The following NCOA6 variants were observed in gnomAD, a reference collection of about 807,000 sequenced individuals.
NCOA6 encodes the protein nuclear receptor coactivator 6.
NCOA6 carries 49 observed loss-of-function variants against 171.4 expected under a neutral mutation model. That is an observed-to-expected ratio of 0.29 (90% confidence interval 0.23 to 0.36). The LOEUF is 0.36. NCOA6 is among the 10% of genes least tolerant of loss of function. The pLI is 1.00. For synonymous variants in NCOA6, 910 were observed against 927.5 expected (o/e 0.98, Z 0.34); for missense variants, 2,248 against 2,554.5 (o/e 0.88, Z 2.59).
chr20:34,816,068 C>A (rs143283991), intron 1 of NCOA6, among the ~76,000 whole-genome samples: 1 of 152,318 alleles, frequency 6.6e-6, no homozygotes, highest in Non-Finnish European at 1.5e-5. Flanking sequence ...AACTCCTCAA[C>A]AAACCAGCAA....
At chr20:34,794,631 G>A (rs2078005687) in intron 1 of NCOA6, among the ~76,000 whole-genome samples, 1 of 151,950 alleles carries the variant, frequency 6.6e-6, no homozygotes, top group Non-Finnish European at 1.5e-5. Flanking sequence ...ACTTTTTTTG[G>A]GGAAAGGGGA....
In NCOA6 at chr20:34,749,658, A is replaced by G. The variant is rs1389641119; in HGVS notation, c.2537T>C (p.Phe846Ser). Residue 846 changes from phenylalanine (F) to serine (S), a missense_variant, in exon 9 of 15, where the codon TTC becomes TCC. By Grantham distance (155) the Phe-to-Ser change is radical. Coordinates refer to ENST00000359003, the MANE Select transcript of NCOA6 (RefSeq NM_014071.5). Reference sequence around the variant, plus strand: ...ATTGAAAGACATCCCATGGCCTGAGAAGTGGTTTCCCGAGGCACTGTTTCC... The same window carrying G: ...ATTGAAAGACATCCCATGGCCTGAGGAGTGGTTTCCCGAGGCACTGTTTCC... Reference protein sequence around the residue: ...MQGNSASGNHFSGHGMSFNAP... With the variant: ...MQGNSASGNHSSGHGMSFNAP... 6.2e-7 allele frequency: 1 copy of G among 1,614,168 alleles called. No homozygotes were observed. Among genetic ancestry groups the G allele is most frequent in the African/African-American group, 1.3e-5 (1 of 75,030 alleles).
intron 14 of NCOA6, among the ~76,000 whole-genome samples, chr20:34,719,312 C>G (rs887104113): frequency 6.6e-6 from 1 of 151,894 alleles, no homozygotes; most frequent in Non-Finnish European, 1.5e-5. Flanking sequence ...TATTTCTATC[C>G]GAGACGTCTA....
chr20:34,774,718 T>A (rs2077254401), intron 4 of NCOA6, among the ~76,000 whole-genome samples: 1 of 152,352 alleles, frequency 6.6e-6, no homozygotes, highest in South Asian at 2.1e-4. Flanking sequence ...TCTAGTTCAC[T>A]GAGCTTCCAA....
chr20:34,778,680 C>A (rs1403236525), intron 3 of NCOA6, among the ~76,000 whole-genome samples: 1 of 152,004 alleles, frequency 6.6e-6, no homozygotes, highest in Non-Finnish European at 1.5e-5. Context: ...CCTGCCTCGG[C>A]CTCCCAAAGT....
In NCOA6 at chr20:34,794,013, C is replaced by A. The variant is rs1234875373; in HGVS notation, c.-163-1450G>T. On this transcript the variant is annotated intron_variant, in intron 1 of 14. Transcript: ENST00000359003. ...TTTCACTCATCAGATTAGCAAAACT[C>A]CAAAAATTTGATAATTTACTGTTCC... 2.6e-5 allele frequency among the ~76,000 whole-genome samples: 4 copies of A among 152,268 alleles called. No homozygotes were observed. In the East Asian group the frequency reaches 5.8e-4, roughly 22 times the overall value.
intron 5 of NCOA6, among the ~76,000 whole-genome samples, chr20:34,763,957 G>A (rs1454650520): frequency 6.6e-6 from 1 of 150,852 alleles, no homozygotes; most frequent in Non-Finnish European, 1.5e-5. Context: ...CAAATGCTTT[G>A]GACCCTGCAG....
intron 2 of NCOA6, among the ~76,000 whole-genome samples, chr20:34,790,727 G>A (rs1417788451): frequency 6.6e-6 from 1 of 152,020 alleles, no homozygotes; most frequent in East Asian, 1.9e-4. Context: ...TTGGCTCACT[G>A]CAACCTCTGC....
chr20:34,747,060 T>A, intron 9 of NCOA6, 132 bp from the exon 10 acceptor site: 1 of 892,566 alleles, frequency 1.1e-6, no homozygotes, highest in Non-Finnish European at 1.5e-6. Flanking sequence ...CATCTCTCTC[T>A]AGTCTAGATA....
intron 8 of NCOA6, among the ~76,000 whole-genome samples, chr20:34,751,376 C>CAAAAAAAAAAAAAAAAAAAAAAAAAAAAA (rs35848122): frequency 5.3e-4 from 36 of 68,240 alleles, no homozygotes; most frequent in East Asian, 2.1e-3. Flanking sequence ...GACTCCGTCT[C>CAAAAAAAAAAAAAAAAAAAAAAAAAAAAA]AAAAAAAAAA....
chr20:34,802,594 C>A (rs899461383), intron 1 of NCOA6, among the ~76,000 whole-genome samples: 1 of 143,974 alleles, frequency 6.9e-6, no homozygotes, highest in Non-Finnish European at 1.5e-5. Flanking sequence ...AGCAAGACTC[C>A]GTCTCAAAAA....
chr20:34,747,274 A>G (rs2076335766), intron 9 of NCOA6, among the ~76,000 whole-genome samples: 1 of 152,182 alleles, frequency 6.6e-6, no homozygotes, highest in Admixed American at 6.5e-5. Context: ...GTGAAACCAC[A>G]CTATCTTCAA....
intron 11 of NCOA6, among the ~76,000 whole-genome samples, chr20:34,738,070 T>C (rs1265770187): frequency 6.6e-6 from 1 of 152,090 alleles, no homozygotes; most frequent in East Asian, 1.9e-4. Context: ...AGCTAATTTT[T>C]ACATATTTTT....
At chr20:34,767,765 T>C (rs544242409) in intron 5 of NCOA6, among the ~76,000 whole-genome samples, 7 of 152,222 alleles carry the variant, frequency 4.6e-5, no homozygotes, top group Admixed American at 1.3e-4. Flanking sequence ...GCTGAAAAAA[T>C]TGGAAAGCCA....
intron 11 of NCOA6, among the ~76,000 whole-genome samples, chr20:34,737,507 AAG>A (rs1212335255): frequency 6.6e-6 from 1 of 152,218 alleles, no homozygotes; most frequent in African/African-American, 2.4e-5. Context: ...AGTCCAAAGC[AAG>A]AGTTAGCAAT....
intron 3 of NCOA6, among the ~76,000 whole-genome samples, chr20:34,778,421 G>C (rs2077408036): frequency 6.6e-6 from 1 of 151,436 alleles, no homozygotes; most frequent in African/African-American, 2.4e-5. Flanking sequence ...TCAATGGTTA[G>C]AGACGTTCAA....
intron 1 of NCOA6, among the ~76,000 whole-genome samples, chr20:34,805,094 A>G (rs558847757): frequency 1.1e-3 from 169 of 150,006 alleles, no homozygotes; most frequent in South Asian, 2.7e-3. Flanking sequence ...GCTAGAATGC[A>G]GTGGTACAAT....
At chr20:34,732,244 T>C (rs184022145) in intron 13 of NCOA6, among the ~76,000 whole-genome samples, 72 of 152,346 alleles carry the variant, frequency 4.7e-4, no homozygotes, top group African/African-American at 1.3e-3. Context: ...ATTATTAATA[T>C]TAATATCAAT....
intron 10 of NCOA6, among the ~76,000 whole-genome samples, chr20:34,746,481 G>A (rs531252860): frequency 5.3e-5 from 8 of 152,224 alleles, no homozygotes; most frequent in East Asian, 1.9e-4. Context: ...GCGCTCAAGC[G>A]ATCTGCTCAT....
Sources: gnomAD v4.1 joint callset for allele counts (sites outside exome capture counted in the v4.1 genomes callset) on GRCh38, gnomAD v4.1.1 for gene constraint, MANE v1.5 for transcripts, NCBI Gene and HGNC (gene_info 2026-07-23, HGNC 2026-07-21) for gene names.